The following ACAT2 variants were observed in gnomAD, a reference collection of about 807,000 sequenced individuals.
ACAT2 encodes acetyl-CoA acetyltransferase, cytosolic.
ACAT2 carries 26 observed loss-of-function variants against 37.1 expected under a neutral mutation model. The ratio of observed to expected loss-of-function variants is 0.70; its 90% confidence interval spans 0.51 to 0.97. The LOEUF (loss-of-function observed/expected upper bound fraction) is 0.97. ACAT2 is among the 50% of genes least tolerant of loss of function. The pLI, the probability that ACAT2 is intolerant of heterozygous loss-of-function variation, is 0.00. For missense variants in ACAT2, 468 were observed against 489.0 expected, an observed-to-expected ratio of 0.96 and a Z score of 0.40; for synonymous variants, 156 against 163.6, an observed-to-expected ratio of 0.95 and a Z score of 0.35.
chr6:159,774,225 T>G (rs912365624), intron 4 of ACAT2, among the ~76,000 whole-genome samples: 1 of 152,218 alleles, frequency 6.6e-6, no homozygotes, highest in African/African-American at 2.4e-5. Flanking sequence ...TTGATGACCC[T>G]TAACAAAAGA....
intron 2 of ACAT2, among the ~76,000 whole-genome samples, chr6:159,765,782 CAT>C (rs1329301234): frequency 6.6e-6 from 1 of 152,156 alleles, no homozygotes; most frequent in Non-Finnish European, 1.5e-5. Flanking sequence ...TATGATCCTG[CAT>C]ATGTTTTCAG....
rs1780503407 is a variant in ACAT2 at position 159,778,976 on chromosome 6, T to C, written c.*147T>C. On this transcript the variant is annotated 3_prime_UTR_variant, in exon 9 of 9. Coordinates refer to ENST00000367048, the MANE Select transcript of ACAT2 (RefSeq NM_005891.3). ...GTTTACAGCTTGTACTTTACTTTAA[T>C]GTGTAATACTCAACTCAAGGTACAA... 4 of 1,560,628 alleles carry C rather than the reference T, an allele frequency of 2.6e-6. No homozygotes were observed. Among genetic ancestry groups the C allele is most frequent in the South Asian group, 1.2e-5 (1 of 84,594 alleles).
rs376741479 is a variant in ACAT2, at chr6:159,778,058, C to G, written c.913-112C>G. On this transcript the variant is annotated intron_variant, in intron 7 of 8. Transcript: ENST00000367048. Reference sequence around the variant, plus strand: ...TCACTGTATTAACCTAAGAACAAACCAAAGTAGCAGTTACCAGTATCATGC... The same window carrying G: ...TCACTGTATTAACCTAAGAACAAACGAAAGTAGCAGTTACCAGTATCATGC... 5.1e-5 allele frequency: 35 copies of G among 692,718 alleles called. No homozygotes were observed. The African/African-American group carries it at 6.2e-4, about 12-fold the overall frequency. 42.9% of individuals were successfully genotyped at this position (692,718 alleles called of 1,614,324 possible).
rs986485657 is a variant in ACAT2 at position 159,778,479 on chromosome 6, GAGGTA to G, written c.1024-177_1024-173del. The G allele has an allele frequency of 1.0e-5, 7 of 700,380 alleles. No homozygotes were observed. In the Admixed American group the frequency reaches 2.4e-4, roughly 24 times the overall value. 43.4% of individuals were successfully genotyped at this position (700,380 alleles called of 1,614,324 possible). On this transcript the variant is annotated intron_variant, in intron 8 of 8. Transcript: ENST00000367048. ...TTGGCTTACTTGGCATAAAAGGAACGAGGTAAGATAGGCAGGGATGAATTTTCACA... is the reference window on the plus strand; with the variant it reads ...TTGGCTTACTTGGCATAAAAGGAACGAGATAGGCAGGGATGAATTTTCACA...
At chr6:159,765,532 C>G (rs1029784982) in intron 2 of ACAT2, among the ~76,000 whole-genome samples, 5 of 151,904 alleles carry the variant, frequency 3.3e-5, no homozygotes, top group Admixed American at 6.6e-5. Context: ...CAGGTTCAAG[C>G]AATTCTCCTG....
intron 2 of ACAT2, among the ~76,000 whole-genome samples, chr6:159,763,439 G>C (rs1335149827): frequency 2.0e-5 from 3 of 152,066 alleles, no homozygotes; most frequent in Non-Finnish European, 4.4e-5. Flanking sequence ...AGCTACTGGA[G>C]AGGCTGAGGT....
At chr6:159,766,009 C>T (rs745631231) in intron 2 of ACAT2, among the ~76,000 whole-genome samples, 7 of 152,164 alleles carry the variant, frequency 4.6e-5, no homozygotes, top group South Asian at 2.1e-4. Flanking sequence ...CAGACAATGG[C>T]GATTGAGAAT....
intron 4 of ACAT2, among the ~76,000 whole-genome samples, chr6:159,771,902 T>C (rs548161694): frequency 3.9e-5 from 6 of 152,030 alleles, no homozygotes; most frequent in Non-Finnish European, 1.5e-5. Flanking sequence ...CTGGTTAACA[T>C]AGTGACACAA....
At chr6:159,764,232 C>G (rs1780217501) in intron 2 of ACAT2, among the ~76,000 whole-genome samples, 2 of 152,164 alleles carry the variant, frequency 1.3e-5, no homozygotes, top group South Asian at 2.1e-4. Context: ...GTGCCCCATA[C>G]TGTGCTTAGT....
intron 4 of ACAT2, among the ~76,000 whole-genome samples, chr6:159,774,716 C>T (rs1456452392): frequency 1.3e-5 from 2 of 152,216 alleles, no homozygotes; most frequent in African/African-American, 4.8e-5. Flanking sequence ...GCTGGGATTA[C>T]AGGTGTGAGC....
chr6:159,765,536 TCTC>T lies in ACAT2; in HGVS notation c.191-1466_191-1464del, dbSNP rs200651812. Among the ~76,000 whole-genome samples, 1,085 of 151,872 alleles carry T rather than the reference TCTC, an allele frequency of 7.1e-3. 5 individuals carry two copies. The highest frequency in any genetic ancestry group is 0.013 in the Non-Finnish European group (877 of 67,940). The stretch of plus-strand genomic sequence containing the variant: ...AACCTCTGTCTCAGGTTCAAGCAAT[TCTC>T]CTGCCTCAACCTCCTGAGTAGCTGG... On this transcript the variant is annotated intron_variant, in intron 2 of 8. Transcript: ENST00000367048.
chr6:159,762,378 C>G, intron 1 of ACAT2: 1 of 1,369,092 alleles, frequency 7.3e-7, no homozygotes, highest in Non-Finnish European at 9.5e-7. Context: ...TGGATTGGCT[C>G]CCGGGGTAGA....
intron 2 of ACAT2, 105 bp downstream of exon 2, chr6:159,763,158 A>C: frequency 6.9e-7 from 1 of 1,452,426 alleles, no homozygotes; most frequent in East Asian, 2.4e-5. Flanking sequence ...TCACTCACTC[A>C]AGTTCTTGCC....
rs1780394577 is a variant in ACAT2, at chr6:159,775,245, C to T, written c.566C>T (p.Thr189Ile). 6.2e-7 allele frequency: 1 copy of T among 1,613,990 alleles called. No individual in the cohort carries two copies. The highest frequency in any genetic ancestry group is 1.7e-5 in the Admixed American group (1 of 59,998). Residue 189 changes from threonine (T) to isoleucine (I), a missense_variant, in exon 5 of 9, where the codon ACA becomes ATA. By Grantham distance (89) the Thr-to-Ile change is moderately conservative (BLOSUM62 -1). Transcript: ENST00000367048. Reference protein sequence around the residue: ...DKVAVLSQNRTENAQKAGHFD... With the variant: ...DKVAVLSQNRIENAQKAGHFD... ...GTTGCAGTTCTGTCCCAGAACAGGA[C>T]AGAGAATGCACAGAAAGCTGGCCAT...
intron 7 of ACAT2, 82 bp downstream of exon 7, chr6:159,777,538 C>A: frequency 1.4e-6 from 2 of 1,396,568 alleles, no homozygotes; most frequent in South Asian, 2.8e-5. Context: ...TAGCTCTAGT[C>A]TTTCCCTACC....
intron 4 of ACAT2, among the ~76,000 whole-genome samples, chr6:159,772,447 G>A (rs1405208326): frequency 6.6e-6 from 1 of 152,148 alleles, no homozygotes; most frequent in East Asian, 1.9e-4. Flanking sequence ...TTCAACAAAG[G>A]CATCAATGGA....
intron 2 of ACAT2, among the ~76,000 whole-genome samples, chr6:159,763,456 A>C (rs1411644628): frequency 6.6e-6 from 1 of 151,902 alleles, no homozygotes; most frequent in Non-Finnish European, 1.5e-5. Flanking sequence ...AGGTGGGAGG[A>C]TCACTTGAGC....
chr6:159,776,059 C>T (rs1780408070), intron 5 of ACAT2, 91 bp from the exon 6 acceptor site: 1 of 1,405,732 alleles, frequency 7.1e-7, no homozygotes, highest in East Asian at 2.3e-5. Flanking sequence ...AAATATGAAT[C>T]CTCATGTTTA....
Position 159,778,873 on chromosome 6 carries a change from A to C in ACAT2, c.*44A>C. On this transcript the variant is annotated 3_prime_UTR_variant, in exon 9 of 9. Transcript: ENST00000367048. Reference sequence around the variant, plus strand: ...AACCTCAATTTCTTTTTAAACTAATAAAGTACTAGGTTGCAATATGTGAAA... The same window carrying C: ...AACCTCAATTTCTTTTTAAACTAATCAAGTACTAGGTTGCAATATGTGAAA... The C allele has an allele frequency of 6.2e-7, 1 of 1,612,534 alleles. No individual in the cohort carries two copies. Among genetic ancestry groups the C allele is most frequent in the Non-Finnish European group, 8.5e-7 (1 of 1,178,860 alleles).
Sources: gnomAD v4.1 joint callset for allele counts (sites outside exome capture counted in the v4.1 genomes callset) on GRCh38, gnomAD v4.1.1 for gene constraint, MANE v1.5 for transcripts, NCBI Gene and HGNC (gene_info 2026-07-23, HGNC 2026-07-21) for gene names.